NHEJ1: variants seen among roughly 807,000 people sequenced by gnomAD.
NHEJ1 encodes non-homologous end joining factor 1, also known as non-homologous end-joining factor 1.
Under a neutral mutation model 39.4 loss-of-function variants are expected in NHEJ1, and 22 were observed. The observed-to-expected ratio is 0.56, with a 90% CI of 0.40 to 0.80. The LOEUF is 0.80. Among genes scored for constraint, NHEJ1 ranks in the 30% least tolerant of loss-of-function variants. The probability of loss-of-function intolerance (pLI) is 0.00; values close to 1 mark genes in which losing one functional copy is unlikely to be tolerated. For missense variants in NHEJ1, 329 were observed against 357.1 expected (o/e 0.92, Z 0.63); for synonymous variants, 154 against 135.6 (o/e 1.14, Z -0.94).
chr2:219,129,015 G>A (rs999110983), intron 5 of NHEJ1, among the ~76,000 whole-genome samples: 1 of 152,106 alleles, frequency 6.6e-6, no homozygotes, highest in Non-Finnish European at 1.5e-5. Context: ...ATTAAGTCTT[G>A]GAATACCACT....
At chr2:219,103,587 T>TA (rs1559191605) in intron 5 of NHEJ1, among the ~76,000 whole-genome samples, 1 of 152,134 alleles carries the variant, frequency 6.6e-6, no homozygotes. Flanking sequence ...CCATTTTTTT[T>TA]AAAAACAAAA....
At chr2:219,108,500 CCATT>C (rs1456767596) in intron 5 of NHEJ1, among the ~76,000 whole-genome samples, 2 of 152,006 alleles carry the variant, frequency 1.3e-5, no homozygotes, top group Non-Finnish European at 2.9e-5. Flanking sequence ...GATTATCTGT[CCATT>C]TATTTGTGTT....
At chr2:219,078,335 G>T (rs1012231513) in intron 5 of NHEJ1, 129 bp from the exon 6 acceptor site, 3 of 809,250 alleles carry the variant, frequency 3.7e-6, no homozygotes, top group East Asian at 5.0e-5. Flanking sequence ...AATAGGGGGC[G>T]ACCATATCCA....
chr2:219,084,168 G>A (rs1440594978), intron 5 of NHEJ1, among the ~76,000 whole-genome samples: 1 of 151,974 alleles, frequency 6.6e-6, no homozygotes, highest in African/African-American at 2.4e-5. Context: ...CACCACGCCT[G>A]GCTAATTTTT....
rs765605992 is a variant in NHEJ1 at position 219,147,813 on chromosome 2, T to A, written c.391-18A>T. On this transcript the variant is annotated intron_variant, in intron 3 of 7. Transcript: ENST00000356853. ...TGGGAGACCTTTGAGGGAAGAGATA[T>A]CAATTAGCCAAAAGACTCTTATAAA... 1.2e-6 allele frequency: 2 copies of A among 1,613,884 alleles called. No homozygotes were observed. Among genetic ancestry groups the A allele is most frequent in the African/African-American group, 1.3e-5 (1 of 75,052 alleles).
At chr2:219,147,585 C>T in intron 4 of NHEJ1, 72 bp downstream of exon 4, 1 of 1,593,106 alleles carries the variant, frequency 6.3e-7, no homozygotes, top group Non-Finnish European at 8.6e-7. Context: ...GCAAATGAGT[C>T]TCCCTCTTTG....
chr2:219,092,504 T>C (rs1039737143), intron 5 of NHEJ1, among the ~76,000 whole-genome samples: 4 of 152,212 alleles, frequency 2.6e-5, no homozygotes, highest in African/African-American at 4.8e-5. Context: ...TATAAAATGA[T>C]ACGAAAGTAT....
Position 219,159,564 on chromosome 2 carries a change from C to CATATATATATGCAT in NHEJ1, c.-1+1142_-1+1155dup, listed in dbSNP as rs1339287392. ...ATATATATATATGCATATATATATGCATATATATATGCATATATATATGCA... is the reference window on the plus strand; with the variant it reads ...ATATATATATATGCATATATATATGCATATATATATGCATATATATATATGCATATATATATGCA... On this transcript the variant is annotated intron_variant, in intron 1 of 7. Transcript: ENST00000356853. Among the ~76,000 whole-genome samples the CATATATATATGCAT allele has an allele frequency of 1.8e-4, 11 of 61,758 alleles. No homozygotes were observed. In the South Asian group the frequency reaches 1.9e-3, roughly 11 times the overall value. The allele number at this position is 61,758 out of a possible 152,430, so 40.5% of individuals were successfully genotyped here. A position where few individuals can be genotyped will look rare whatever the true frequency, so the allele number is the denominator to read the frequency against.
intron 3 of NHEJ1, among the ~76,000 whole-genome samples, chr2:219,151,278 C>T (rs374686864): frequency 1.6e-4 from 25 of 152,186 alleles, no homozygotes; most frequent in South Asian, 8.3e-4. Flanking sequence ...ATCCAATTGG[C>T]GGCAGCACTG....
Position 219,077,213 on chromosome 2 carries a change from A to C in NHEJ1, c.825+33T>G, listed in dbSNP as rs763463252. 166 of 1,537,692 alleles carry C rather than the reference A, an allele frequency of 1.1e-4. 2 individuals carry two copies. Among genetic ancestry groups the C allele is most frequent in the Non-Finnish European group, 1.7e-5 (19 of 1,110,748 alleles). On this transcript the variant is annotated intron_variant, in intron 7 of 7. Transcript: ENST00000356853. Reference sequence around the variant, plus strand: ...TTGGGGGCTATAGGTGCCAACTCTCAGAACACCATCCAGGAAGCTGCTCAT... The same window carrying C: ...TTGGGGGCTATAGGTGCCAACTCTCCGAACACCATCCAGGAAGCTGCTCAT...
chr2:219,156,734 G>A (rs1029051334), intron 3 of NHEJ1, among the ~76,000 whole-genome samples: 1 of 152,186 alleles, frequency 6.6e-6, no homozygotes, highest in African/African-American at 2.4e-5. Context: ...AGAGTTGTGA[G>A]GATTAAATGA....
chr2:219,152,377 G>A (rs544726534), intron 3 of NHEJ1, among the ~76,000 whole-genome samples: 186 of 152,198 alleles, frequency 1.2e-3, no homozygotes, highest in Non-Finnish European at 2.2e-3. Flanking sequence ...AGGCTAAAGC[G>A]GGAGAATCAC....
At chr2:219,112,562 C>T (rs1220134607) in intron 5 of NHEJ1, among the ~76,000 whole-genome samples, 5 of 152,256 alleles carry the variant, frequency 3.3e-5, no homozygotes, top group African/African-American at 1.2e-4. Context: ...GGGCACACAC[C>T]TAGACCCTTC....
chr2:219,076,473 C>T lies in NHEJ1; in HGVS notation c.826-18G>A. ...GAAGTACCCTAGAAAAAAGGGAACC[C>T]AAGTTAGTAGGGGTTTTGAAATAGT... On this transcript the variant is annotated intron_variant, in intron 7 of 7. Transcript: ENST00000356853. 6.2e-7 allele frequency: 1 copy of T among 1,611,406 alleles called. No individual in the cohort carries two copies. The highest frequency in any genetic ancestry group is 8.5e-7 in the Non-Finnish European group (1 of 1,178,150).
At chr2:219,156,718 T>A (rs966638650) in intron 3 of NHEJ1, among the ~76,000 whole-genome samples, 1 of 152,254 alleles carries the variant, frequency 6.6e-6, no homozygotes, top group South Asian at 2.1e-4. Flanking sequence ...GTACTTATCC[T>A]GAAGGAGAGT....
At chr2:219,159,578 T>TATATATATATGCATATATATATGC (rs1559206377) in intron 1 of NHEJ1, among the ~76,000 whole-genome samples, 1 of 56,328 alleles carries the variant, frequency 1.8e-5, no homozygotes, top group African/African-American at 7.6e-5. Context: ...TATATATGCA[T>TATATATATATGCATATATATATGC]ATATATATGC....
intron 5 of NHEJ1, among the ~76,000 whole-genome samples, chr2:219,089,570 G>C (rs1453605021): frequency 2.6e-5 from 4 of 152,168 alleles, no homozygotes; most frequent in Non-Finnish European, 4.4e-5. Flanking sequence ...GATTTCCAGG[G>C]GATAGGAGAC....
At chr2:219,142,358 G>A (rs752142025) in intron 5 of NHEJ1, among the ~76,000 whole-genome samples, 22 of 152,202 alleles carry the variant, frequency 1.4e-4, no homozygotes, top group Admixed American at 3.3e-4. Context: ...GTTGCCAGCT[G>A]TAGAGGGCGG....
intron 2 of NHEJ1, 123 bp downstream of exon 2, chr2:219,158,051 CAGAAGTACAGGT>C (rs1275624654): frequency 1.0e-5 from 8 of 782,598 alleles, no homozygotes; most frequent in African/African-American, 3.5e-5. Context: ...AGATTCCAGG[CAGAAGTACAGGT>C]AGAAGTACAG....
Sources: allele counts gnomAD v4.1 joint callset (sites outside exome capture counted in the v4.1 genomes callset), GRCh38; gene constraint gnomAD v4.1.1; transcripts MANE v1.5; gene names NCBI Gene and HGNC (gene_info 2026-07-23, HGNC 2026-07-21).